The following KCNB2 variants were observed in gnomAD, a reference collection of about 807,000 sequenced individuals.
The protein encoded by KCNB2 is delayed rectifier potassium channel protein.
A neutral mutation model predicts 61.5 loss-of-function variants in KCNB2; 15 were observed. That is an observed-to-expected ratio of 0.24 (90% confidence interval 0.16 to 0.38). The LOEUF (loss-of-function observed/expected upper bound fraction) is 0.38, where lower values mean the gene tolerates loss of function less well. KCNB2 is among the 10% of genes least tolerant of loss of function. The probability of loss-of-function intolerance (pLI) is 1.00; values close to 1 mark genes in which losing one functional copy is unlikely to be tolerated. For synonymous variants in KCNB2, 457 were observed against 446.0 expected, an observed-to-expected ratio of 1.02 and a Z score of -0.31; for missense variants, 828 against 1,125.2, an observed-to-expected ratio of 0.74 and a Z score of 3.78.
rs572266876 is a variant in KCNB2, at chr8:72,760,247, C to T, written c.580-175688C>T. On this transcript the variant is annotated intron_variant, in intron 2 of 2. Transcript: ENST00000523207. ...CAAGTTAACTGACCTCTCTGAGCTTCCATTCTCTTAACTTGGAAGTGAGGA... is the reference window on the plus strand; with the variant it reads ...CAAGTTAACTGACCTCTCTGAGCTTTCATTCTCTTAACTTGGAAGTGAGGA... Among the ~76,000 whole-genome samples the T allele has an allele frequency of 1.2e-3, 182 of 152,312 alleles. 1 individual carries two copies. Among genetic ancestry groups the T allele is most frequent in the Non-Finnish European group, 2.1e-3 (146 of 68,028 alleles).
chr8:72,760,894 A>G (rs886666657), intron 2 of KCNB2, among the ~76,000 whole-genome samples: 5 of 152,164 alleles, frequency 3.3e-5, no homozygotes, highest in Admixed American at 2.0e-4. Context: ...TGGATCACGT[A>G]TCTTAATCAG....
Position 72,698,143 on chromosome 8 carries a change from C to T in KCNB2, c.579+129830C>T, listed in dbSNP as rs1190731877. Among the ~76,000 whole-genome samples the T allele has an allele frequency of 6.6e-5, 10 of 152,196 alleles. No individual in the cohort carries two copies. In the East Asian group the frequency reaches 9.7e-4, roughly 15 times the overall value. On this transcript the variant is annotated intron_variant, in intron 2 of 2. Transcript: ENST00000523207. Reference sequence around the variant, plus strand: ...TCAAAAGGCTCCTGGAACTGATAAACGACTTCAATAAAGTTTCAGGATACA... The same window carrying T: ...TCAAAAGGCTCCTGGAACTGATAAATGACTTCAATAAAGTTTCAGGATACA...
chr8:72,764,656 T>G (rs1440348), intron 2 of KCNB2, among the ~76,000 whole-genome samples: 6 of 152,136 alleles, frequency 3.9e-5, no homozygotes, highest in Non-Finnish European at 7.4e-5. Flanking sequence ...TCATATATAG[T>G]CTTATATTCC....
chr8:72,756,634 C>A (rs1465906967), intron 2 of KCNB2, among the ~76,000 whole-genome samples: 1 of 152,150 alleles, frequency 6.6e-6, no homozygotes, highest in Non-Finnish European at 1.5e-5. Flanking sequence ...CCGATTTAAT[C>A]GAAAGCACAG....
At chr8:72,622,108 T>C (rs1016565380) in intron 2 of KCNB2, among the ~76,000 whole-genome samples, 1 of 152,186 alleles carries the variant, frequency 6.6e-6, no homozygotes, top group Non-Finnish European at 1.5e-5. Flanking sequence ...CTGGGAAATG[T>C]TGGGGATAAA....
chr8:72,766,543 A>G (rs896645621), intron 2 of KCNB2, among the ~76,000 whole-genome samples: 2 of 152,176 alleles, frequency 1.3e-5, no homozygotes, highest in African/African-American at 4.8e-5. Flanking sequence ...GAGATTTCCC[A>G]AACAGTTTCA....
intron 2 of KCNB2, among the ~76,000 whole-genome samples, chr8:72,688,471 C>G (rs949615462): frequency 2.6e-5 from 4 of 151,958 alleles, no homozygotes; most frequent in African/African-American, 9.7e-5. Context: ...AAAAATATCT[C>G]CCCCAACAAT....
At chr8:72,770,807 ATGCAGTATAC>A (rs1239647615) in intron 2 of KCNB2, among the ~76,000 whole-genome samples, 1 of 152,246 alleles carries the variant, frequency 6.6e-6, no homozygotes, top group Non-Finnish European at 1.5e-5. Flanking sequence ...ATCAATATAG[ATGCAGTATAC>A]TGCAAATAAT....
chr8:72,553,882 G>A (rs1806382046), intron 1 of KCNB2, among the ~76,000 whole-genome samples: 1 of 152,076 alleles, frequency 6.6e-6, no homozygotes, highest in South Asian at 2.1e-4. Context: ...GGTAGTAGAT[G>A]CTCAATAAAT....
chr8:72,716,997 C>G (rs57344961), intron 2 of KCNB2, among the ~76,000 whole-genome samples: 3,810 of 151,880 alleles, frequency 0.025, 42 homozygotes, highest in South Asian at 0.073. Flanking sequence ...ACAAAAATCA[C>G]AAGCATTCTT....
At chr8:72,632,565 T>G (rs183217835) in intron 2 of KCNB2, among the ~76,000 whole-genome samples, 76 of 152,304 alleles carry the variant, frequency 5.0e-4, no homozygotes, top group Non-Finnish European at 9.6e-4. Flanking sequence ...TGACACAGCC[T>G]AGTCACTGAA....
intron 2 of KCNB2, among the ~76,000 whole-genome samples, chr8:72,586,610 C>T (rs971437923): frequency 1.3e-5 from 2 of 152,164 alleles, no homozygotes; most frequent in Non-Finnish European, 2.9e-5. Context: ...TTCATGTTAT[C>T]GTATTTCAGT....
intron 2 of KCNB2, among the ~76,000 whole-genome samples, chr8:72,902,175 G>A (rs1163420103): frequency 1.3e-5 from 2 of 152,128 alleles, no homozygotes; most frequent in African/African-American, 4.8e-5. Context: ...GGTGGGGGTG[G>A]CACATAGACA....
intron 2 of KCNB2, among the ~76,000 whole-genome samples, chr8:72,799,836 T>G (rs1809093540): frequency 1.3e-5 from 2 of 152,150 alleles, no homozygotes; most frequent in Admixed American, 1.3e-4. Flanking sequence ...GAAAGGCTTC[T>G]AGGAAGAGGC....
chr8:72,780,779 G>C (rs1585889677), intron 2 of KCNB2, among the ~76,000 whole-genome samples: 1 of 152,040 alleles, frequency 6.6e-6, no homozygotes, highest in African/African-American at 2.4e-5. Flanking sequence ...CTGGTTCTAG[G>C]TCTTTGAGGA....
rs919803003 is a variant in KCNB2 at position 72,920,095 on chromosome 8, T to C, written c.580-15840T>C. 3.3e-5 allele frequency among the ~76,000 whole-genome samples: 5 copies of C among 152,174 alleles called. No homozygotes were observed. In the South Asian group the frequency reaches 1.0e-3, roughly 32 times the overall value. Reference sequence around the variant, plus strand: ...AGTTTAAAACTATTGAGTCAATTATTTTAAAATTAATTACTTAAGTTATAT... The same window carrying C: ...AGTTTAAAACTATTGAGTCAATTATCTTAAAATTAATTACTTAAGTTATAT... On this transcript the variant is annotated intron_variant, in intron 2 of 2. Coordinates refer to ENST00000523207, the MANE Select transcript of KCNB2 (RefSeq NM_004770.3).
At chr8:72,602,726 G>T (rs1045103377) in intron 2 of KCNB2, among the ~76,000 whole-genome samples, 6 of 152,244 alleles carry the variant, frequency 3.9e-5, no homozygotes, top group African/African-American at 1.4e-4. Context: ...TCGGCTGGTT[G>T]AATTCAGCTG....
chr8:72,568,558 G>A lies in KCNB2; in HGVS notation c.579+245G>A, dbSNP rs892898236. Among the ~76,000 whole-genome samples, 3 of 152,296 alleles carry A rather than the reference G, an allele frequency of 2.0e-5. No individual in the cohort carries two copies. The South Asian group carries it at 6.2e-4, about 32-fold the overall frequency. On this transcript the variant is annotated intron_variant, in intron 2 of 2. Transcript: ENST00000523207. ...GTAGAAAGGGGCCTGGGCAACAGAGGATGAAAGAGAGTCCTGGTTTTCCTG... is the reference window on the plus strand; with the variant it reads ...GTAGAAAGGGGCCTGGGCAACAGAGAATGAAAGAGAGTCCTGGTTTTCCTG...
At chr8:72,640,286 C>T (rs535786036) in intron 2 of KCNB2, among the ~76,000 whole-genome samples, 1 of 152,166 alleles carries the variant, frequency 6.6e-6, no homozygotes, top group South Asian at 2.1e-4. Flanking sequence ...GCCAGACACA[C>T]AGCAGGAGCT....
Sources: gnomAD v4.1 joint callset for allele counts (sites outside exome capture counted in the v4.1 genomes callset) on GRCh38, gnomAD v4.1.1 for gene constraint, MANE v1.5 for transcripts, NCBI Gene and HGNC (gene_info 2026-07-23, HGNC 2026-07-21) for gene names.